The following DTHD1 variants were observed in gnomAD, a reference collection of about 807,000 sequenced individuals.
DTHD1 encodes death domain containing 1, also known as death domain-containing protein 1.
DTHD1 carries 59 observed loss-of-function variants against 74.8 expected under a neutral mutation model. That is an observed-to-expected ratio of 0.79 (90% confidence interval 0.64 to 0.98). The LOEUF (loss-of-function observed/expected upper bound fraction) is 0.98, where lower values mean the gene tolerates loss of function less well. Ranked by LOEUF, DTHD1 falls within the 50% of genes least tolerant of loss-of-function variation. DTHD1 has a pLI of 0.00. For synonymous variants in DTHD1, 365 were observed against 371.1 expected, an observed-to-expected ratio of 0.98 and a Z score of 0.19; for missense variants, 1,051 against 1,065.4, an observed-to-expected ratio of 0.99 and a Z score of 0.19.
chr4:36,311,318 G>C (rs983749177), intron 7 of DTHD1: 2 of 152,182 alleles, frequency 1.3e-5, no homozygotes, highest in African/African-American at 4.8e-5. Context: ...CTCTGCCTAA[G>C]AGGGAAAAGA....
intron 8 of DTHD1, among the ~76,000 whole-genome samples, chr4:36,330,152 A>C (rs10517372): frequency 0.052 from 7,992 of 152,252 alleles, 248 homozygotes; most frequent in South Asian, 0.12. Context: ...GAGGCACAAG[A>C]GATTACTTTG....
chr4:36,305,834 A>G (rs1016661060), intron 5 of DTHD1, among the ~76,000 whole-genome samples: 5 of 152,130 alleles, frequency 3.3e-5, no homozygotes, highest in African/African-American at 9.7e-5. Flanking sequence ...TCTTAAATCT[A>G]TTTTGCCAGT....
chr4:36,325,596 TAGAG>T (rs778391189), intron 8 of DTHD1, among the ~76,000 whole-genome samples: 9 of 152,090 alleles, frequency 5.9e-5, no homozygotes, highest in Non-Finnish European at 1.0e-4. Context: ...AGAACAGAGT[TAGAG>T]AGAGATTCAG....
rs79814732 is a variant in DTHD1 at position 36,324,522 on chromosome 4, C to T, written c.2340+8036C>T. On this transcript the variant is annotated intron_variant, in intron 8 of 9. Coordinates refer to ENST00000639862, the MANE Select transcript of DTHD1 (RefSeq NM_001170700.3). ...AAGTAAAAAGTTATGCTCATTAACT[C>T]AAACAGATTTTAGTTTATGAACTTC... Among the ~76,000 whole-genome samples the T allele has an allele frequency of 5.6e-3, 848 of 152,240 alleles. 6 individuals are homozygous for T. The highest frequency in any genetic ancestry group is 0.019 in the African/African-American group (773 of 41,548).
chr4:36,326,474 T>A (rs1236273953), intron 8 of DTHD1, among the ~76,000 whole-genome samples: 1 of 151,042 alleles, frequency 6.6e-6, no homozygotes, highest in Non-Finnish European at 1.5e-5. Flanking sequence ...CATATAGAGG[T>A]TTTCCCCAAG....
intron 1 of DTHD1, among the ~76,000 whole-genome samples, chr4:36,283,699 C>T (rs1432154181): frequency 2.6e-5 from 4 of 152,148 alleles, no homozygotes; most frequent in Non-Finnish European, 5.9e-5. Flanking sequence ...GAGGTTATGA[C>T]ATTTGTCTTT....
chr4:36,302,793 A>G (rs1327861203), intron 5 of DTHD1, among the ~76,000 whole-genome samples: 1 of 152,196 alleles, frequency 6.6e-6, no homozygotes, highest in Non-Finnish European at 1.5e-5. Flanking sequence ...AAATATTTGA[A>G]GTTTTTTGAA....
chr4:36,323,832 A>T (rs1016424514), intron 8 of DTHD1, among the ~76,000 whole-genome samples: 5 of 152,092 alleles, frequency 3.3e-5, no homozygotes, highest in Non-Finnish European at 7.4e-5. Flanking sequence ...TAGAAATATT[A>T]TGTTAATTTT....
rs1185537392 is a variant in DTHD1 at position 36,345,163 on chromosome 4, T to A, written c.*1339T>A. ...ATTAGTTAACAGAAGCCTTATTACA[T>A]AAGCCCTAGATATACATCATTAAAA... On this transcript the variant is annotated 3_prime_UTR_variant, in exon 10 of 10. Transcript: ENST00000639862. The A allele has an allele frequency of 6.6e-6, 1 of 152,170 alleles. No homozygotes were observed. The highest frequency in any genetic ancestry group is 1.5e-5 in the Non-Finnish European group (1 of 68,012). 9.4% of individuals were successfully genotyped at this position (152,170 alleles called of 1,614,324 possible).
intron 5 of DTHD1, among the ~76,000 whole-genome samples, chr4:36,300,893 T>C (rs1756730458): frequency 6.6e-6 from 1 of 152,206 alleles, no homozygotes; most frequent in Non-Finnish European, 1.5e-5. Flanking sequence ...AACTTGGAGG[T>C]AGTGTACTTA....
chr4:36,317,667 T>G (rs548731935), intron 8 of DTHD1, among the ~76,000 whole-genome samples: 1 of 152,344 alleles, frequency 6.6e-6, no homozygotes, highest in South Asian at 2.1e-4. Context: ...CTTCTCTAAA[T>G]GAATTTATAA....
At chr4:36,313,478 AT>A (rs1560803906) in intron 7 of DTHD1, among the ~76,000 whole-genome samples, 2 of 147,816 alleles carry the variant, frequency 1.4e-5, no homozygotes, top group African/African-American at 2.5e-5. Flanking sequence ...TTTTGGATTT[AT>A]TTTTTGTTCA....
chr4:36,323,583 A>T (rs1157573508), intron 8 of DTHD1, among the ~76,000 whole-genome samples: 1 of 148,678 alleles, frequency 6.7e-6, no homozygotes, highest in Non-Finnish European at 1.5e-5. Flanking sequence ...TAGGTATTTT[A>T]AAAAGCAGAT....
At chr4:36,302,860 A>G (rs1756854147) in intron 5 of DTHD1, among the ~76,000 whole-genome samples, 1 of 152,238 alleles carries the variant, frequency 6.6e-6, no homozygotes, top group South Asian at 2.1e-4. Context: ...TTTCTGAGAA[A>G]AAGTTAACCT....
At chr4:36,315,685 A>ATATATCTG (rs1757671982) in intron 7 of DTHD1, 5 of 152,246 alleles carry the variant, frequency 3.3e-5, no homozygotes, top group Admixed American at 6.5e-5. Flanking sequence ...TATTTCAAGT[A>ATATATCTG]GTTTCTGGTT....
At chr4:36,297,938 G>T (rs1051427047) in intron 5 of DTHD1, among the ~76,000 whole-genome samples, 47 of 96,152 alleles carry the variant, frequency 4.9e-4, no homozygotes, top group African/African-American at 1.4e-3. Context: ...GTGTGTGCAC[G>T]TGTGTGTGTG....
rs987940846 is a variant in DTHD1 at position 36,316,441 on chromosome 4, C to T, written c.2295C>T (p.Asn765=). 6 of 1,550,962 alleles carry T rather than the reference C, an allele frequency of 3.9e-6. No homozygotes were observed. The Admixed American group carries it at 7.9e-5, about 20-fold the overall frequency. Residue 765 remains asparagine, a synonymous_variant, in exon 8 of 10, where the codon AAC becomes AAT. Transcript: ENST00000639862. ...NLNQSLVINE[N]HSQLPICKLP... The stretch of plus-strand genomic sequence containing the variant: ...ATCAATCTCTCGTAATTAATGAAAA[C>T]CATTCTCAGTTGCCAATTTGCAAAT...
Position 36,339,096 on chromosome 4 carries a change from T to C in DTHD1, c.2341-16T>C, listed in dbSNP as rs1357562320. 2 of 1,540,984 alleles carry C rather than the reference T, an allele frequency of 1.3e-6. No individual in the cohort carries two copies. Among genetic ancestry groups the C allele is most frequent in the East Asian group, 2.5e-5 (1 of 40,802 alleles). ...ATTACTTCTTCTGTTTATTTTGTGT[T>C]CCTTTCCCCCAATAGCATAAGAAAT... On this transcript the variant is annotated splice_polypyrimidine_tract_variant and intron_variant, in intron 8 of 9. Coordinates refer to ENST00000639862, the MANE Select transcript of DTHD1 (RefSeq NM_001170700.3).
chr4:36,284,567 A>C lies in DTHD1; in HGVS notation c.863A>C (p.His288Pro), dbSNP rs1193681989. 1 of 1,522,616 alleles carries C rather than the reference A, an allele frequency of 6.6e-7. No homozygotes were observed. The highest frequency in any genetic ancestry group is 8.8e-7 in the Non-Finnish European group (1 of 1,141,346). 94.3% of individuals were successfully genotyped at this position (1,522,616 alleles called of 1,614,324 possible). Reference sequence around the variant, plus strand: ...CCCAATGATTCAGAGAATATAAAGCACAAGAATAACATAATGGAAAAGGAG... The same window carrying C: ...CCCAATGATTCAGAGAATATAAAGCCCAAGAATAACATAATGGAAAAGGAG... Reference protein sequence around the residue: ...TLPNDSENIKHKNNIMEKEYL... With the variant: ...TLPNDSENIKPKNNIMEKEYL... The change falls in exon 2 of 10, where the codon CAC (histidine) becomes CCC (proline). Residue 288 changes from histidine to proline, a missense_variant. Transcript: ENST00000639862.
Sources: gnomAD v4.1 joint callset for allele counts (sites outside exome capture counted in the v4.1 genomes callset) on GRCh38, gnomAD v4.1.1 for gene constraint, MANE v1.5 for transcripts, NCBI Gene and HGNC (gene_info 2026-07-23, HGNC 2026-07-21) for gene names.